Variants in JADE2 observed in about 807,000 individuals in gnomAD.
JADE2 encodes the protein E3 ubiquitin-protein ligase Jade-2.
Under a neutral mutation model 85.7 loss-of-function variants are expected in JADE2, and 13 were observed. The observed-to-expected ratio is 0.15, with a 90% CI of 0.10 to 0.24. The LOEUF (loss-of-function observed/expected upper bound fraction) is 0.24. Among genes scored for constraint, JADE2 ranks in the 10% least tolerant of loss-of-function variants. The pLI, the probability that JADE2 is intolerant of heterozygous loss-of-function variation, is 1.00. For synonymous variants in JADE2, 440 were observed against 456.1 expected (o/e 0.96, Z 0.45); for missense variants, 846 against 1,115.9 (o/e 0.76, Z 3.45).
chr5:134,547,930 A>T (rs868039223), intron 3 of JADE2, among the ~76,000 whole-genome samples: 4 of 152,330 alleles, frequency 2.6e-5, no homozygotes, highest in South Asian at 4.1e-4. Flanking sequence ...CTTCAGACAA[A>T]GCCCAAAACC....
chr5:134,524,652 C>T (rs1288692807), upstream of JADE2, among the ~76,000 whole-genome samples: 1 of 152,190 alleles, frequency 6.6e-6, no homozygotes, highest in African/African-American at 2.4e-5. Flanking sequence ...TCATCACTGC[C>T]TTCTCCACCC....
chr5:134,573,635 G>C lies in JADE2; in HGVS notation c.1435-10G>C, dbSNP rs1230142347. 6 of 1,602,808 alleles carry C rather than the reference G, an allele frequency of 3.7e-6. No homozygotes were observed. Among genetic ancestry groups the C allele is most frequent in the Non-Finnish European group, 4.3e-6 (5 of 1,169,784 alleles). ...GTGAGTAAGGTGGAAAATCTCTCTT[G>C]TTTTCTCAGGTTAGAAATCTGTGCT... On this transcript the variant is annotated splice_polypyrimidine_tract_variant and intron_variant, in intron 9 of 11. Coordinates refer to ENST00000681547, the MANE Select transcript of JADE2 (RefSeq NM_001388185.1).
chr5:134,579,265 C>G lies in JADE2; in HGVS notation c.2453C>G (p.Pro818Arg), dbSNP rs138225577. 3.7e-6 allele frequency: 6 copies of G among 1,613,596 alleles called. 1 individual carries two copies. In the South Asian group the frequency reaches 5.5e-5, roughly 15 times the overall value. The change falls in exon 12 of 12, where the codon CCC becomes CGC. Residue 818 changes from proline to arginine, a missense_variant. Physicochemically the swap from Pro to Arg is moderately radical, Grantham distance 103. This residue lies in a region of JADE2 where 300 missense variants were observed against 300.7 expected (regional missense o/e 1.00). Transcript: ENST00000681547. The surrounding 1 kb of genome is among the most constrained non-coding windows in gnomAD (Gnocchi z 4.6). ...EAEDGGVQRG[P>R]REAGAEEVVR... ...GAGGACGGTGGGGTGCAGCGGGGTCCCCGGGAGGCAGGGGCAGAGGAGGTG... is the reference window on the plus strand; with the variant it reads ...GAGGACGGTGGGGTGCAGCGGGGTCGCCGGGAGGCAGGGGCAGAGGAGGTG...
intron 3 of JADE2, among the ~76,000 whole-genome samples, chr5:134,541,301 T>G (rs1237600741): frequency 6.6e-6 from 1 of 152,224 alleles, no homozygotes; most frequent in Non-Finnish European, 1.5e-5. Context: ...CAACTTATCT[T>G]GGGGCAGAGA....
intron 2 of JADE2, among the ~76,000 whole-genome samples, 160 bp from the exon 3 acceptor site, chr5:134,537,829 G>C (rs1236897542): frequency 1.3e-5 from 2 of 152,118 alleles, no homozygotes; most frequent in Non-Finnish European, 2.9e-5. Context: ...TTCATCAGTG[G>C]GGAGACTGAG....
At chr5:134,559,338 C>T (rs1763183708) in intron 4 of JADE2, among the ~76,000 whole-genome samples, 4 of 152,288 alleles carry the variant, frequency 2.6e-5, no homozygotes, top group African/African-American at 4.8e-5. Flanking sequence ...CTGCCTTGTC[C>T]GCAGCCTTGA....
intron 11 of JADE2, 180 bp downstream of exon 11, chr5:134,577,076 A>G (rs1181860732): frequency 4.6e-6 from 3 of 656,384 alleles, no homozygotes; most frequent in Non-Finnish European, 7.5e-6. Flanking sequence ...GACAGATCTC[A>G]GAGCCCCGTG....
intron 7 of JADE2, among the ~76,000 whole-genome samples, chr5:134,563,305 G>A (rs1408963837): frequency 2.0e-5 from 3 of 148,458 alleles, no homozygotes; most frequent in African/African-American, 7.4e-5. Context: ...GTAACAGAAT[G>A]AGACTGTTTA....
chr5:134,565,826 C>A (rs373147081), intron 8 of JADE2, among the ~76,000 whole-genome samples: 24 of 141,704 alleles, frequency 1.7e-4, no homozygotes, highest in African/African-American at 1.8e-4. Flanking sequence ...GACTCTGTCT[C>A]AAAAAAAAAA....
upstream of JADE2, among the ~76,000 whole-genome samples, chr5:134,525,266 GTA>G (rs1425232226): frequency 6.6e-6 from 1 of 151,952 alleles, no homozygotes; most frequent in Non-Finnish European, 1.5e-5. Context: ...GAGGGGCGGG[GTA>G]TGTGTGTGAG....
intron 4 of JADE2, among the ~76,000 whole-genome samples, chr5:134,558,920 A>G (rs1382553293): frequency 6.6e-6 from 1 of 152,214 alleles, no homozygotes; most frequent in African/African-American, 2.4e-5. Context: ...GAGTCACACA[A>G]TAAGTGGTGA....
At chr5:134,570,915 G>A (rs1197178469) in intron 9 of JADE2, among the ~76,000 whole-genome samples, 1 of 152,238 alleles carries the variant, frequency 6.6e-6, no homozygotes, top group Admixed American at 6.5e-5. Context: ...CCCTTTTAAA[G>A]GCCACCGGCA....
At chr5:134,531,860 T>TA (rs1026336018) in intron 1 of JADE2, among the ~76,000 whole-genome samples, 3 of 142,844 alleles carry the variant, frequency 2.1e-5, no homozygotes, top group Non-Finnish European at 4.5e-5. Flanking sequence ...GCTGGGAATA[T>TA]AAGGATGAGC....
At position 134,564,479 on chromosome 5, in the gene JADE2, C is replaced by A. The variant is rs768140777; in HGVS notation, c.853-15C>A. The A allele has an allele frequency of 3.9e-6, 6 of 1,555,792 alleles. No homozygotes were observed. Among genetic ancestry groups the A allele is most frequent in the Non-Finnish European group, 5.2e-6 (6 of 1,144,926 alleles). On this transcript the variant is annotated splice_polypyrimidine_tract_variant and intron_variant, in intron 7 of 11. Transcript: ENST00000681547. ...GGGATGAGAGGAATGATGCAGCCCC[C>A]TGTGTCCTGCCCAGGTCAGCATCGG...
At chr5:134,539,184 C>T (rs1357271677) in intron 3 of JADE2, among the ~76,000 whole-genome samples, 1 of 152,012 alleles carries the variant, frequency 6.6e-6, no homozygotes, top group Non-Finnish European at 1.5e-5. Context: ...GCCTCAGCCT[C>T]CCGAGTGGCT....
At chr5:134,577,263 C>T (rs1201145388) in intron 11 of JADE2, among the ~76,000 whole-genome samples, 3 of 152,206 alleles carry the variant, frequency 2.0e-5, no homozygotes, top group Admixed American at 6.5e-5. Context: ...CATCCTTGTC[C>T]TACTCTCCCA....
At chr5:134,564,936 G>A (rs1045013571) in intron 8 of JADE2, among the ~76,000 whole-genome samples, 1 of 152,174 alleles carries the variant, frequency 6.6e-6, no homozygotes, top group African/African-American at 2.4e-5. Flanking sequence ...AATTTGACGC[G>A]TTAGGGGTTA....
chr5:134,525,823 G>A lies in JADE2; in HGVS notation c.-189G>A, dbSNP rs1364396190. The A allele has an allele frequency of 9.9e-7, 1 of 1,012,032 alleles. No homozygotes were observed. The highest frequency in any genetic ancestry group is 2.8e-4 in the Middle Eastern group (1 of 3,582). The allele number at this position is 1,012,032 out of a possible 1,614,324, so 62.7% of individuals were successfully genotyped here. ...TCCTGCGGGCCGACCGTCCCCGGCG[G>A]GGGGCGTGGGGCCTGGGACGCCGCG... On this transcript the variant is annotated 5_prime_UTR_variant, in exon 1 of 12. Transcript: ENST00000681547.
chr5:134,529,284 C>G (rs1457684760), intron 1 of JADE2, among the ~76,000 whole-genome samples: 1 of 152,110 alleles, frequency 6.6e-6, no homozygotes, highest in Non-Finnish European at 1.5e-5. Flanking sequence ...CAGATAGGAC[C>G]CTTACCATGT....
Sources: allele counts gnomAD v4.1 joint callset (sites outside exome capture counted in the v4.1 genomes callset), GRCh38; gene constraint gnomAD v4.1.1; regional missense constraint gnomAD v4.1.1; non-coding constraint Gnocchi (gnomAD v3.1); transcripts MANE v1.5; gene names NCBI Gene and HGNC (gene_info 2026-07-23, HGNC 2026-07-21).